Variants in MAN1A1 observed in about 807,000 individuals in gnomAD.
The protein encoded by MAN1A1 is mannosyl-oligosaccharide 1,2-alpha-mannosidase IA.
In MAN1A1, 29 loss-of-function variants were observed where a neutral mutation model predicts 70.8. The observed-to-expected ratio is 0.41, with a 90% CI of 0.31 to 0.56. The LOEUF (loss-of-function observed/expected upper bound fraction) is 0.56, where lower values mean the gene tolerates loss of function less well. Ranked by LOEUF, MAN1A1 falls within the 20% of genes least tolerant of loss-of-function variation. The pLI is 0.29. For synonymous variants in MAN1A1, 349 were observed against 330.1 expected, an observed-to-expected ratio of 1.06 and a Z score of -0.62; for missense variants, 747 against 841.3, an observed-to-expected ratio of 0.89 and a Z score of 1.39.
At chr6:119,201,459 A>G in intron 7 of MAN1A1, 112 bp from the exon 8 acceptor site, 2 of 693,316 alleles carry the variant, frequency 2.9e-6, no homozygotes, top group East Asian at 5.4e-5. Context: ...TAGAACAAAG[A>G]TAACTGCTGT....
chr6:119,268,394 A>T (rs1257001871), intron 5 of MAN1A1, among the ~76,000 whole-genome samples: 3 of 151,906 alleles, frequency 2.0e-5, no homozygotes, highest in Admixed American at 6.6e-5. Flanking sequence ...GCTTCTATAC[A>T]TACTCTTTGT....
intron 6 of MAN1A1, chr6:119,210,935 T>C (rs1300026907): frequency 2.2e-6 from 1 of 455,974 alleles, no homozygotes; most frequent in African/African-American, 2.0e-5. Flanking sequence ...ATCCACCTGT[T>C]GTAAATCATC....
intron 2 of MAN1A1, among the ~76,000 whole-genome samples, chr6:119,319,670 G>A (rs1246701738): frequency 6.6e-6 from 1 of 152,036 alleles, no homozygotes; most frequent in Non-Finnish European, 1.5e-5. Flanking sequence ...ATAAAAATAT[G>A]AATATATATT....
intron 11 of MAN1A1, 51 bp downstream of exon 11, chr6:119,188,354 A>AT: frequency 6.6e-7 from 1 of 1,515,572 alleles, no homozygotes; most frequent in Non-Finnish European, 8.9e-7. Context: ...ATCACTGAAC[A>AT]TTTTTTACTA....
intron 2 of MAN1A1, among the ~76,000 whole-genome samples, chr6:119,339,357 A>C (rs1238896683): frequency 1.3e-5 from 2 of 152,232 alleles, no homozygotes; most frequent in Non-Finnish European, 2.9e-5. Flanking sequence ...ATTTTTAATA[A>C]AAACAAAAAA....
At chr6:119,211,060 A>C (rs1312927526) in intron 6 of MAN1A1, 1 of 302,902 alleles carries the variant, frequency 3.3e-6, no homozygotes, top group Non-Finnish European at 6.6e-6. Flanking sequence ...CCATCTTCGG[A>C]AATAATAATA....
chr6:119,342,589 C>T (rs1024290691), intron 2 of MAN1A1, among the ~76,000 whole-genome samples: 2 of 152,174 alleles, frequency 1.3e-5, no homozygotes, highest in African/African-American at 2.4e-5. Context: ...TTCAGACCCA[C>T]GTTATCTGAG....
intron 6 of MAN1A1, among the ~76,000 whole-genome samples, chr6:119,228,327 G>C (rs1209279979): frequency 2.0e-5 from 3 of 152,070 alleles, no homozygotes; most frequent in African/African-American, 7.2e-5. Context: ...CGAAGCTTTG[G>C]GTAACACAAA....
chr6:119,253,067 T>C (rs529572661), intron 5 of MAN1A1, among the ~76,000 whole-genome samples: 1 of 152,166 alleles, frequency 6.6e-6, no homozygotes, highest in East Asian at 1.9e-4. Context: ...TTGAAGTGTC[T>C]TCTTCTCTTA....
At chr6:119,271,122 C>T (rs532089341) in intron 5 of MAN1A1, among the ~76,000 whole-genome samples, 1 of 152,164 alleles carries the variant, frequency 6.6e-6, no homozygotes, top group African/African-American at 2.4e-5. Flanking sequence ...CACAACTCTA[C>T]ATTTCACTGG....
intron 5 of MAN1A1, among the ~76,000 whole-genome samples, chr6:119,281,240 G>C (rs978802044): frequency 3.9e-5 from 6 of 152,228 alleles, no homozygotes; most frequent in Non-Finnish European, 8.8e-5. Context: ...TTTCCAGTGA[G>C]ACTGGCTGGC....
At chr6:119,345,379 A>G (rs1241289261) in intron 2 of MAN1A1, among the ~76,000 whole-genome samples, 3 of 152,226 alleles carry the variant, frequency 2.0e-5, no homozygotes, top group African/African-American at 7.2e-5. Flanking sequence ...GAAAATAAAT[A>G]TACACTATGT....
At chr6:119,259,798 T>C (rs943035426) in intron 5 of MAN1A1, among the ~76,000 whole-genome samples, 7 of 152,190 alleles carry the variant, frequency 4.6e-5, no homozygotes, top group Admixed American at 6.5e-5. Context: ...AACATATTTG[T>C]ACACCTTGAA....
intron 6 of MAN1A1, among the ~76,000 whole-genome samples, chr6:119,237,627 C>T (rs1182500049): frequency 2.6e-5 from 4 of 152,124 alleles, no homozygotes; most frequent in Admixed American, 6.5e-5. Flanking sequence ...TTCAGGAAAT[C>T]TGGATGGGCA....
intron 5 of MAN1A1, among the ~76,000 whole-genome samples, chr6:119,270,191 G>A (rs1775880169): frequency 1.3e-5 from 2 of 152,120 alleles, no homozygotes; most frequent in South Asian, 4.1e-4. Context: ...GCCCTGGTTA[G>A]TGGAAAATAT....
Position 119,349,051 on chromosome 6 carries a change from G to A in MAN1A1, c.15C>T (p.Gly5=). The change falls in exon 2 of 13, where the codon GGC becomes GGT. Residue 5 remains glycine (G), a synonymous_variant. Coordinates refer to ENST00000368468, the MANE Select transcript of MAN1A1 (RefSeq NM_005907.4). ...CGGGGCTGCTGAAGAGCGGCAACAGGCCCCCCACGGGCATCGCTCCCGCTG... is the reference window on the plus strand; with the variant it reads ...CGGGGCTGCTGAAGAGCGGCAACAGACCCCCCACGGGCATCGCTCCCGCTG... MPVG[G]LLPLFSSPAG... 2.3e-6 allele frequency: 3 copies of A among 1,320,518 alleles called. No individual in the cohort carries two copies. The highest frequency in any genetic ancestry group is 1.9e-6 in the Non-Finnish European group (2 of 1,032,806). The allele number at this position is 1,320,518 out of a possible 1,614,324, so 81.8% of individuals were successfully genotyped here.
intron 5 of MAN1A1, among the ~76,000 whole-genome samples, chr6:119,259,134 G>A (rs1451615258): frequency 6.6e-6 from 1 of 152,148 alleles, no homozygotes; most frequent in Non-Finnish European, 1.5e-5. Flanking sequence ...GCTTTCTATA[G>A]TCCTACTGCT....
Position 119,297,667 on chromosome 6 carries a change from C to T in MAN1A1, c.816+4321G>A, listed in dbSNP as rs192797527. Among the ~76,000 whole-genome samples the T allele has an allele frequency of 1.5e-4, 23 of 150,182 alleles. No homozygotes were observed. The East Asian group carries it at 1.8e-3, about 11-fold the overall frequency. On this transcript the variant is annotated intron_variant, in intron 4 of 12. Transcript: ENST00000368468. ...GTATGCTTGTCACAAAGATTAAACA[C>T]GATACACCCATGAAAAAAATCACCT...
intron 11 of MAN1A1, among the ~76,000 whole-genome samples, chr6:119,183,062 A>G (rs919875776): frequency 2.0e-5 from 3 of 152,196 alleles, no homozygotes; most frequent in African/African-American, 7.2e-5. Context: ...GATTCTCATG[A>G]GCAGAGATGT....
Sources: gnomAD v4.1 joint callset for allele counts (sites outside exome capture counted in the v4.1 genomes callset) on GRCh38, gnomAD v4.1.1 for gene constraint, MANE v1.5 for transcripts, NCBI Gene and HGNC (gene_info 2026-07-23, HGNC 2026-07-21) for gene names.